Variants in OPCML observed in about 807,000 individuals in gnomAD.
OPCML encodes the protein opioid binding protein/cell adhesion molecule like, also known as opioid-binding protein/cell adhesion molecule.
OPCML carries 13 observed loss-of-function variants against 37.8 expected under a neutral mutation model. The ratio of observed to expected loss-of-function variants is 0.34; its 90% confidence interval spans 0.22 to 0.55. The LOEUF is 0.55. OPCML is among the 20% of genes least tolerant of loss of function. The probability of loss-of-function intolerance (pLI) is 0.91; values close to 1 mark genes in which losing one functional copy is unlikely to be tolerated. For missense variants in OPCML, 341 were observed against 435.6 expected (o/e 0.78, Z 1.93); for synonymous variants, 176 against 168.8 (o/e 1.04, Z -0.33).
chr11:132,914,257 G>C (rs1033633791), intron 2 of OPCML, among the ~76,000 whole-genome samples: 1 of 152,122 alleles, frequency 6.6e-6, no homozygotes, highest in Non-Finnish European at 1.5e-5. Context: ...GAGACTCTTC[G>C]ATATCTCCAC....
intron 1 of OPCML, among the ~76,000 whole-genome samples, chr11:132,983,585 G>A (rs1035161676): frequency 7.2e-5 from 11 of 152,056 alleles, no homozygotes; most frequent in Admixed American, 3.3e-4. Context: ...CTGGAGAACC[G>A]AGATCACATC....
At chr11:132,450,491 G>C (rs796790433) in intron 4 of OPCML, among the ~76,000 whole-genome samples, 12 of 152,268 alleles carry the variant, frequency 7.9e-5, no homozygotes, top group African/African-American at 2.6e-4. Flanking sequence ...GCTGCCCGTA[G>C]AGGGGCCTCC....
At chr11:133,242,130 G>A (rs892431387) in intron 1 of OPCML, among the ~76,000 whole-genome samples, 3 of 152,064 alleles carry the variant, frequency 2.0e-5, no homozygotes, top group Non-Finnish European at 2.9e-5. Context: ...ATAAATCACC[G>A]AAGATGTATT....
chr11:133,362,198 A>G (rs1592234527), intron 1 of OPCML: 1 of 152,324 alleles, frequency 6.6e-6, no homozygotes, highest in African/African-American at 2.4e-5. Context: ...GGATTCTAAA[A>G]AGGAGACTCG....
At chr11:132,741,092 A>G (rs1333204425) in intron 2 of OPCML, among the ~76,000 whole-genome samples, 2 of 152,164 alleles carry the variant, frequency 1.3e-5, no homozygotes, top group Non-Finnish European at 2.9e-5. Context: ...TGTATTCCTC[A>G]TAACTGATAC....
chr11:132,773,704 C>A (rs1316829155), intron 2 of OPCML, among the ~76,000 whole-genome samples: 1 of 152,170 alleles, frequency 6.6e-6, no homozygotes, highest in African/African-American at 2.4e-5. Context: ...GCATTTCCAT[C>A]CCTTCTCATT....
intron 1 of OPCML, among the ~76,000 whole-genome samples, chr11:133,424,552 T>C (rs2226695): frequency 0.12 from 18,539 of 152,148 alleles, 1,612 homozygotes; most frequent in African/African-American, 0.23. Flanking sequence ...AAAACACAAT[T>C]TGTCCTAGTT....
At chr11:132,631,255 A>C (rs893649071) in intron 3 of OPCML, among the ~76,000 whole-genome samples, 5 of 151,266 alleles carry the variant, frequency 3.3e-5, no homozygotes, top group African/African-American at 1.2e-4. Context: ...AACTTTTCAA[A>C]CTCATCAAAT....
intron 2 of OPCML, among the ~76,000 whole-genome samples, chr11:132,670,109 C>A (rs1942395193): frequency 6.6e-6 from 1 of 152,192 alleles, no homozygotes; most frequent in South Asian, 2.1e-4. Flanking sequence ...CCCAAGCACA[C>A]ACCATTTTAA....
At chr11:132,515,086 T>C (rs2096276807) in intron 4 of OPCML, among the ~76,000 whole-genome samples, 1 of 152,072 alleles carries the variant, frequency 6.6e-6, no homozygotes, top group Non-Finnish European at 1.5e-5. Flanking sequence ...GCAGAGCTTG[T>C]TGGGAAAAGG....
intron 1 of OPCML, among the ~76,000 whole-genome samples, chr11:133,335,451 C>T (rs137904413): frequency 6.6e-6 from 1 of 152,134 alleles, no homozygotes; most frequent in African/African-American, 2.4e-5. Context: ...TGCGTCACCC[C>T]TGGAGGCTGC....
At chr11:132,559,928 C>A (rs2096406888) in intron 3 of OPCML, among the ~76,000 whole-genome samples, 1 of 152,114 alleles carries the variant, frequency 6.6e-6, no homozygotes, top group South Asian at 2.1e-4. Context: ...AAAGAATTGG[C>A]AAAAGCTATT....
At chr11:132,507,817 G>A (rs2096260669) in intron 4 of OPCML, among the ~76,000 whole-genome samples, 1 of 151,490 alleles carries the variant, frequency 6.6e-6, no homozygotes, top group Non-Finnish European at 1.5e-5. Context: ...GATATTCCTA[G>A]TTATAACTAC....
chr11:132,918,103 A>G (rs1944667223), intron 2 of OPCML, among the ~76,000 whole-genome samples: 1 of 152,216 alleles, frequency 6.6e-6, no homozygotes, highest in African/African-American at 2.4e-5. Context: ...GCACAATGTA[A>G]TCTTTAATTT....
At chr11:132,675,153 GTA>G (rs1452529024) in intron 2 of OPCML, among the ~76,000 whole-genome samples, 142 of 118,830 alleles carry the variant, frequency 1.2e-3, no homozygotes, top group African/African-American at 4.3e-3. Flanking sequence ...CCATATATAT[GTA>G]TGTGTGTGTG....
Position 133,177,395 on chromosome 11 carries a change from C to T in OPCML, c.62-234385G>A, listed in dbSNP as rs1029004857. 3.9e-5 allele frequency among the ~76,000 whole-genome samples: 6 copies of T among 152,184 alleles called. No individual in the cohort carries two copies. The highest frequency in any genetic ancestry group is 5.9e-5 in the Non-Finnish European group (4 of 68,040). On this transcript the variant is annotated intron_variant, in intron 1 of 7. Transcript: ENST00000524381. This position sits in a 1 kb window ranked among gnomAD's most constrained non-coding sequence, Gnocchi z 5.0. ...CCCTGAGGAAATCAGTAATCTTGAA[C>T]CACTAATGCTAATTTATGATTTTGG...
At chr11:133,431,808 TA>T (rs1036778893) in intron 1 of OPCML, among the ~76,000 whole-genome samples, 40 of 147,658 alleles carry the variant, frequency 2.7e-4, no homozygotes, top group Non-Finnish European at 3.6e-4. Context: ...TATTTATATA[TA>T]ATATATATAA....
chr11:132,832,380 G>T lies in OPCML; in HGVS notation c.146+110546C>A, dbSNP rs538513908. On this transcript the variant is annotated intron_variant, in intron 2 of 7. Coordinates refer to ENST00000524381, the MANE Select transcript of OPCML (RefSeq NM_001012393.5). ...TCATAATGAAAGAGACCTAGACTAT[G>T]TTAAACTTTAGAATCTTTCTCTGAC... is the stretch of plus-strand genomic sequence containing the variant. Among the ~76,000 whole-genome samples, 115 of 152,286 alleles carry T rather than the reference G, an allele frequency of 7.6e-4. 1 individual carries two copies. Among genetic ancestry groups the T allele is most frequent in the African/African-American group, 2.6e-3 (109 of 41,558 alleles).
chr11:133,420,348 G>C, intron 1 of OPCML: 2 of 985,398 alleles, frequency 2.0e-6, no homozygotes, highest in Non-Finnish European at 2.4e-6. Context: ...ATCCTTTGCT[G>C]TTGCTTTCTT....
Sources: allele counts gnomAD v4.1 joint callset (sites outside exome capture counted in the v4.1 genomes callset), GRCh38; gene constraint gnomAD v4.1.1; non-coding constraint Gnocchi (gnomAD v3.1); transcripts MANE v1.5; gene names NCBI Gene and HGNC (gene_info 2026-07-23, HGNC 2026-07-21).